FAM107B: variants seen among roughly 807,000 people sequenced by gnomAD.
FAM107B encodes protein FAM107B.
In FAM107B, 21 loss-of-function variants were observed where a neutral mutation model predicts 31.5. That is an observed-to-expected ratio of 0.67 (90% confidence interval 0.47 to 0.96). The LOEUF is 0.96. Among genes scored for constraint, FAM107B ranks in the 40% least tolerant of loss-of-function variants. FAM107B has a pLI of 0.00. For synonymous variants in FAM107B, 157 were observed against 141.5 expected, an observed-to-expected ratio of 1.11 and a Z score of -0.78; for missense variants, 452 against 377.1, an observed-to-expected ratio of 1.20 and a Z score of -1.64.
chr10:14,528,418 T>A (rs1218984659), intron 3 of FAM107B, among the ~76,000 whole-genome samples: 2 of 152,066 alleles, frequency 1.3e-5, no homozygotes, highest in Non-Finnish European at 2.9e-5. Flanking sequence ...CTGACCTCAG[T>A]GGATCCACCT....
At chr10:14,605,445 A>G (rs1852565029) in intron 2 of FAM107B, among the ~76,000 whole-genome samples, 1 of 152,252 alleles carries the variant, frequency 6.6e-6, no homozygotes, top group African/African-American at 2.4e-5. Flanking sequence ...TGTCTTGGCA[A>G]CAGATGACTA....
At chr10:14,703,930 T>C (rs1855461483) in intron 1 of FAM107B, among the ~76,000 whole-genome samples, 2 of 152,190 alleles carry the variant, frequency 1.3e-5, no homozygotes, top group South Asian at 2.1e-4. Flanking sequence ...CGTGATGATT[T>C]AAGAGCAAAC....
intron 2 of FAM107B, among the ~76,000 whole-genome samples, chr10:14,606,753 A>C (rs11814055): frequency 0.15 from 22,919 of 151,890 alleles, 1,813 homozygotes; most frequent in East Asian, 0.31. Flanking sequence ...CTGCCCAAAC[A>C]CAGAGAAGAG....
chr10:14,579,416 C>T (rs1851563579), intron 2 of FAM107B, among the ~76,000 whole-genome samples: 1 of 152,216 alleles, frequency 6.6e-6, no homozygotes, highest in South Asian at 2.1e-4. Flanking sequence ...CATATCTAAA[C>T]CCTCTATTGC....
At chr10:14,577,467 G>T (rs1851501215) in intron 2 of FAM107B, among the ~76,000 whole-genome samples, 1 of 152,190 alleles carries the variant, frequency 6.6e-6, no homozygotes. Flanking sequence ...GCCTTTTACA[G>T]CTACGTATAT....
rs185398830 is a variant in FAM107B, at chr10:14,599,237, C to T, written c.469+68397G>A. 7.9e-5 allele frequency among the ~76,000 whole-genome samples: 12 copies of T among 152,168 alleles called. No homozygotes were observed. The East Asian group carries it at 1.4e-3, about 17-fold the overall frequency. ...GTTGCTGGGGCTCAGTGTCCCCCCC[C>T]ACTTCAAGACTTCTAAGTCTCCCGA... On this transcript the variant is annotated intron_variant, in intron 2 of 4. Transcript: ENST00000181796.
intron 2 of FAM107B, among the ~76,000 whole-genome samples, chr10:14,662,890 T>C (rs1157624861): frequency 6.6e-6 from 1 of 152,202 alleles, no homozygotes; most frequent in Non-Finnish European, 1.5e-5. Context: ...CCAACGGAGA[T>C]TAACGTTTGA....
intron 1 of FAM107B, among the ~76,000 whole-genome samples, chr10:14,705,052 G>C (rs1431255283): frequency 7.5e-6 from 1 of 134,008 alleles, no homozygotes; most frequent in Non-Finnish European, 1.6e-5. Flanking sequence ...AATAGACAAA[G>C]GACTTGAATA....
chr10:14,570,233 G>GGGGGGTGT (rs1554835078), intron 2 of FAM107B, among the ~76,000 whole-genome samples: 16 of 140,426 alleles, frequency 1.1e-4, no homozygotes, highest in African/African-American at 3.2e-4. Context: ...AAATGTGGTG[G>GGGGGGTGT]GTGTGTGTGT....
chr10:14,643,242 CA>C (rs1826476201), intron 2 of FAM107B, among the ~76,000 whole-genome samples: 1 of 151,876 alleles, frequency 6.6e-6, no homozygotes, highest in Non-Finnish European at 1.5e-5. Flanking sequence ...AATTTCAGTT[CA>C]AAAGCTGGCA....
intron 1 of FAM107B, among the ~76,000 whole-genome samples, chr10:14,713,523 A>G (rs1317271123): frequency 6.6e-6 from 1 of 152,210 alleles, no homozygotes; most frequent in East Asian, 1.9e-4. Context: ...CTGAGGGAGA[A>G]ATAGACACTG....
chr10:14,520,864 T>C lies in FAM107B; in HGVS notation c.*326A>G, dbSNP rs545057985. On this transcript the variant is annotated 3_prime_UTR_variant, in exon 5 of 5. Transcript: ENST00000181796. ...AACTTGGAATGGAAGAAAAACCAAG[T>C]AGTGCAACTCTCAAGAATTGATTCC... 12 of 245,338 alleles carry C rather than the reference T, an allele frequency of 4.9e-5. No individual in the cohort carries two copies. The South Asian group carries it at 2.1e-3, about 42-fold the overall frequency. 15.2% of individuals were successfully genotyped at this position (245,338 alleles called of 1,614,324 possible). A position where few individuals can be genotyped will look rare whatever the true frequency, so the allele number is the denominator to read the frequency against.
chr10:14,642,381 C>A (rs1272274537), intron 2 of FAM107B, among the ~76,000 whole-genome samples: 3 of 152,214 alleles, frequency 2.0e-5, no homozygotes, highest in Non-Finnish European at 4.4e-5. Context: ...GTGGTTGAAA[C>A]CAAGGCTCTG....
rs1028871114 is a variant in FAM107B at position 14,520,041 on chromosome 10, T to C, written c.*1149A>G. ...AGATGCAATATAGTAGTCATCGACATCATCCTTATCAACAGCATCATCACT... is the reference window on the plus strand; with the variant it reads ...AGATGCAATATAGTAGTCATCGACACCATCCTTATCAACAGCATCATCACT... On this transcript the variant is annotated 3_prime_UTR_variant, in exon 5 of 5. Coordinates refer to ENST00000181796, the MANE Select transcript of FAM107B (RefSeq NM_031453.4). 5.9e-5 allele frequency: 9 copies of C among 152,650 alleles called. No individual in the cohort carries two copies. The highest frequency in any genetic ancestry group is 1.3e-4 in the Non-Finnish European group (9 of 68,046). 9.5% of individuals were successfully genotyped at this position (152,650 alleles called of 1,614,324 possible).
intron 2 of FAM107B, chr10:14,661,573 G>C (rs983661828): frequency 3.9e-5 from 6 of 152,192 alleles, no homozygotes; most frequent in African/African-American, 1.2e-4. Context: ...TTTGGACTTG[G>C]ACTAGAATTT....
At chr10:14,767,902 C>G (rs927696121) in intron 1 of FAM107B, among the ~76,000 whole-genome samples, 6 of 152,148 alleles carry the variant, frequency 3.9e-5, no homozygotes, top group African/African-American at 1.4e-4. Flanking sequence ...ATGACATGAT[C>G]TTATGTGTAG....
intron 1 of FAM107B, among the ~76,000 whole-genome samples, chr10:14,686,578 A>C (rs1032062012): frequency 6.6e-6 from 1 of 152,142 alleles, no homozygotes; most frequent in Non-Finnish European, 1.5e-5. Flanking sequence ...TTTCCTGTAG[A>C]ACCTTTCAGA....
intron 1 of FAM107B, among the ~76,000 whole-genome samples, chr10:14,710,677 T>C (rs1855625261): frequency 6.6e-6 from 1 of 152,164 alleles, no homozygotes; most frequent in Admixed American, 6.5e-5. Flanking sequence ...GCTCATAATG[T>C]GTGTGCTTGT....
rs575655873 is a variant in FAM107B, at chr10:14,723,475, G to A, written c.411+50778C>T. The A allele has an allele frequency of 2.5e-3, 1,426 of 568,862 alleles. 4 individuals carry two copies. The highest frequency in any genetic ancestry group is 4.0e-3 in the Non-Finnish European group (1,181 of 297,988). The allele number at this position is 568,862 out of a possible 1,614,324, so 35.2% of individuals were successfully genotyped here. ...GTAGAGATCAGGCATGACCTGTCAC[G>A]GGTGTTTACAGGAAATGGTACCACA... On this transcript the variant is annotated intron_variant, in intron 1 of 4. Coordinates refer to ENST00000181796, the MANE Select transcript of FAM107B (RefSeq NM_031453.4).
Sources: gnomAD v4.1 joint callset for allele counts (sites outside exome capture counted in the v4.1 genomes callset) on GRCh38, gnomAD v4.1.1 for gene constraint, MANE v1.5 for transcripts, NCBI Gene and HGNC (gene_info 2026-07-23, HGNC 2026-07-21) for gene names.